Variants in TYW1 observed in about 807,000 individuals in gnomAD.
The protein encoded by TYW1 is tRNA-yW synthesizing protein 1 homolog, also known as S-adenosyl-L-methionine-dependent tRNA 4-demethylwyosine synthase TYW1.
TYW1 carries 46 observed loss-of-function variants against 96.2 expected under a neutral mutation model. The ratio of observed to expected loss-of-function variants is 0.48; its 90% CI spans 0.38 to 0.61. TYW1 has a LOEUF of 0.61. TYW1 is among the 20% of genes least tolerant of loss of function. The pLI, the probability that TYW1 is intolerant of heterozygous loss-of-function variation, is 0.00. For synonymous variants in TYW1, 274 were observed against 323.0 expected (o/e 0.85, Z 1.63); for missense variants, 684 against 909.6 (o/e 0.75, Z 3.19).
chr7:67,118,147 A>G (rs1480891046), intron 13 of TYW1, among the ~76,000 whole-genome samples: 1 of 152,114 alleles, frequency 6.6e-6, no homozygotes, highest in Non-Finnish European at 1.5e-5. Context: ...CAACATGGTC[A>G]GACCTCATCT....
Position 67,205,195 on chromosome 7 carries a change from A to C in TYW1, c.1977+9858A>C, listed in dbSNP as rs1800746704. Among the ~76,000 whole-genome samples, 4 of 152,122 alleles carry C rather than the reference A, an allele frequency of 2.6e-5. 1 individual carries two copies. Among genetic ancestry groups the C allele is most frequent in the African/African-American group, 9.7e-5 (4 of 41,424 alleles). The stretch of plus-strand genomic sequence containing the variant: ...GAGAGGGTGTTACCTCCTTACTTCC[A>C]GGGAGAGGTAAAAGTCCATTTCCCC... On this transcript the variant is annotated intron_variant, in intron 15 of 15. Transcript: ENST00000359626.
At chr7:67,054,444 A>G (rs1285375467) in intron 8 of TYW1, among the ~76,000 whole-genome samples, 2 of 152,202 alleles carry the variant, frequency 1.3e-5, no homozygotes, top group Non-Finnish European at 2.9e-5. Flanking sequence ...TTAAATGCAT[A>G]TTTGGTATCA....
intron 7 of TYW1, among the ~76,000 whole-genome samples, chr7:67,028,473 GA>G (rs1412706731): frequency 1.3e-5 from 2 of 152,206 alleles, no homozygotes; most frequent in African/African-American, 2.4e-5. Context: ...CAAAACACAC[GA>G]ATAAGAATTT....
At chr7:67,037,684 C>T (rs1370843635) in intron 7 of TYW1, among the ~76,000 whole-genome samples, 1 of 151,782 alleles carries the variant, frequency 6.6e-6, no homozygotes, top group Non-Finnish European at 1.5e-5. Context: ...AAAAAATATC[C>T]CAGGCTGGGT....
At position 67,195,353 on chromosome 7, in the gene TYW1, A is replaced by G. The variant is rs376840420; in HGVS notation, c.1977+16A>G. 119 of 1,612,830 alleles carry G rather than the reference A, an allele frequency of 7.4e-5. 2 individuals are homozygous for G. The highest frequency in any genetic ancestry group is 4.5e-4 in the East Asian group (20 of 44,860). On this transcript the variant is annotated intron_variant, in intron 15 of 15. Coordinates refer to ENST00000359626, the MANE Select transcript of TYW1 (RefSeq NM_018264.4). Reference sequence around the variant, plus strand: ...ACACAGAAAGGTAAGAATAACTCAAACATGGATTCTTCTGTTCCCCGACCC... The same window carrying G: ...ACACAGAAAGGTAAGAATAACTCAAGCATGGATTCTTCTGTTCCCCGACCC...
chr7:67,117,373 C>T, intron 12 of TYW1, 110 bp from the exon 13 acceptor site: 1 of 1,254,140 alleles, frequency 8.0e-7, no homozygotes, highest in South Asian at 1.8e-5. Flanking sequence ...GTCTCTAGAC[C>T]CAGTGAAGTG....
chr7:67,110,896 T>A (rs1224157474), intron 12 of TYW1, among the ~76,000 whole-genome samples: 1 of 152,108 alleles, frequency 6.6e-6, no homozygotes, highest in East Asian at 1.9e-4. Context: ...TCCCAGCTAC[T>A]GAGGATGCTG....
rs1793205148 is a variant in TYW1, at chr7:66,997,337, G to A, written c.4+355G>A. The stretch of plus-strand genomic sequence containing the variant: ...ATCTCTCTTAAAAAAAAAAAAATGA[G>A]GTGTAAGGTCAGTTACTTGAGAATC... On this transcript the variant is annotated intron_variant, in intron 1 of 15. Transcript: ENST00000359626. Among the ~76,000 whole-genome samples the A allele has an allele frequency of 2.0e-5, 3 of 152,154 alleles. No homozygotes were observed. In the South Asian group the frequency reaches 6.2e-4, roughly 32 times the overall value.
intron 9 of TYW1, among the ~76,000 whole-genome samples, chr7:67,065,374 C>T (rs530368693): frequency 6.6e-6 from 1 of 152,334 alleles, no homozygotes; most frequent in Admixed American, 6.5e-5. Context: ...CAGGGCAGTT[C>T]AGAACAAAGT....
intron 13 of TYW1, among the ~76,000 whole-genome samples, chr7:67,121,536 T>C (rs1237356814): frequency 6.6e-6 from 1 of 152,172 alleles, no homozygotes; most frequent in East Asian, 1.9e-4. Context: ...AGCAAGACTC[T>C]GTCTCAAAAT....
intron 6 of TYW1, among the ~76,000 whole-genome samples, chr7:67,022,719 A>G (rs2129245684): frequency 6.6e-6 from 1 of 152,348 alleles, no homozygotes; most frequent in South Asian, 2.1e-4. Context: ...GTTAACTGGC[A>G]GAGACTTTCT....
intron 13 of TYW1, among the ~76,000 whole-genome samples, chr7:67,138,436 G>GTATC (rs1236320004): frequency 6.6e-6 from 1 of 151,914 alleles, no homozygotes; most frequent in African/African-American, 2.4e-5. Flanking sequence ...AGAAAATGTG[G>GTATC]TATCTATCCC....
chr7:67,000,216 G>A (rs1176115618), intron 3 of TYW1, among the ~76,000 whole-genome samples: 2 of 152,022 alleles, frequency 1.3e-5, no homozygotes, highest in Non-Finnish European at 1.5e-5. Flanking sequence ...GATTACAGTC[G>A]TGAGCCACCG....
Position 67,195,348 on chromosome 7 carries a change from C to A in TYW1, c.1977+11C>A. 1 of 1,613,286 alleles carries A rather than the reference C, an allele frequency of 6.2e-7. No individual in the cohort carries two copies. Among genetic ancestry groups the A allele is most frequent in the Non-Finnish European group, 8.5e-7 (1 of 1,179,562 alleles). On this transcript the variant is annotated intron_variant, in intron 15 of 15. Coordinates refer to ENST00000359626, the MANE Select transcript of TYW1 (RefSeq NM_018264.4). ...ATAGCACACAGAAAGGTAAGAATAA[C>A]TCAAACATGGATTCTTCTGTTCCCC...
At chr7:67,060,973 A>T (rs1795677250) in intron 9 of TYW1, among the ~76,000 whole-genome samples, 1 of 152,196 alleles carries the variant, frequency 6.6e-6, no homozygotes, top group African/African-American at 2.4e-5. Flanking sequence ...CACACCTGAA[A>T]TCCCAGCACT....
At chr7:67,149,020 T>C (rs1354680323) in intron 13 of TYW1, among the ~76,000 whole-genome samples, 5 of 152,150 alleles carry the variant, frequency 3.3e-5, no homozygotes, top group Admixed American at 3.3e-4. Context: ...ACCCCCGGTC[T>C]TGACTAAGAG....
chr7:67,102,505 G>T (rs1797115218), intron 12 of TYW1, among the ~76,000 whole-genome samples: 1 of 152,160 alleles, frequency 6.6e-6, no homozygotes, highest in Non-Finnish European at 1.5e-5. Context: ...GAGACAAAAA[G>T]GAGGAAGTAA....
intron 10 of TYW1, among the ~76,000 whole-genome samples, chr7:67,069,813 G>A (rs1187417860): frequency 6.6e-6 from 1 of 152,116 alleles, no homozygotes; most frequent in Non-Finnish European, 1.5e-5. Flanking sequence ...ATTTACCTAT[G>A]TATTTTACCT....
chr7:67,133,278 C>T (rs1328127569), intron 13 of TYW1, among the ~76,000 whole-genome samples: 3 of 152,082 alleles, frequency 2.0e-5, no homozygotes, highest in African/African-American at 7.2e-5. Flanking sequence ...GCTCGGACTA[C>T]AGCCGTGCAC....
Sources: gnomAD v4.1 joint callset for allele counts (sites outside exome capture counted in the v4.1 genomes callset) on GRCh38, gnomAD v4.1.1 for gene constraint, MANE v1.5 for transcripts, NCBI Gene and HGNC (gene_info 2026-07-23, HGNC 2026-07-21) for gene names.